PTPRD: variants seen among roughly 807,000 people sequenced by gnomAD.
The protein encoded by PTPRD is receptor-type tyrosine-protein phosphatase delta.
Under a neutral mutation model 214.5 loss-of-function variants are expected in PTPRD, and 34 were observed. The ratio of observed to expected loss-of-function variants is 0.16; its 90% CI spans 0.12 to 0.21. The LOEUF is 0.21. Ranked by LOEUF, PTPRD falls within the 10% of genes least tolerant of loss-of-function variation. PTPRD has a pLI of 1.00. For synonymous variants in PTPRD, 1,128 were observed against 845.7 expected (o/e 1.33, Z -5.79); for missense variants, 2,545 against 2,398.7 (o/e 1.06, Z -1.27).
chr9:9,736,923 ATTG>A (rs2098308457), intron 6 of PTPRD, among the ~76,000 whole-genome samples: 1 of 151,914 alleles, frequency 6.6e-6, no homozygotes, highest in Non-Finnish European at 1.5e-5. Context: ...TTGAACACCT[ATTG>A]TTAATTTTAA....
chr9:8,340,064 T>C (rs532481936), intron 42 of PTPRD, among the ~76,000 whole-genome samples: 1 of 152,192 alleles, frequency 6.6e-6, no homozygotes, highest in East Asian at 1.9e-4. Flanking sequence ...CTAAAAGAAG[T>C]CCGACATAAG....
chr9:10,164,342 T>A (rs1486871500), intron 3 of PTPRD, among the ~76,000 whole-genome samples: 1 of 151,632 alleles, frequency 6.6e-6, no homozygotes, highest in African/African-American at 2.4e-5. Context: ...AGCTATTTAT[T>A]ATTTCAGTAA....
chr9:8,462,452 C>T (rs562439421), intron 32 of PTPRD, among the ~76,000 whole-genome samples: 3 of 151,994 alleles, frequency 2.0e-5, no homozygotes, highest in South Asian at 2.1e-4. Context: ...AACTATAAAG[C>T]CTTCAAGAGG....
chr9:10,597,847 G>A (rs1355571696), intron 2 of PTPRD, among the ~76,000 whole-genome samples: 2 of 151,786 alleles, frequency 1.3e-5, no homozygotes, highest in East Asian at 3.9e-4. Flanking sequence ...TTTATATTAA[G>A]AACATAACAG....
chr9:8,440,796 G>C (rs762541295), intron 34 of PTPRD, among the ~76,000 whole-genome samples: 1 of 152,108 alleles, frequency 6.6e-6, no homozygotes, highest in African/African-American at 2.4e-5. Context: ...CTGATGTCAC[G>C]GTGACTTCCT....
rs1022109192 is a variant in PTPRD, at chr9:8,377,568, G to C, written c.4387-842C>G. On this transcript the variant is annotated intron_variant, in intron 37 of 45. Transcript: ENST00000381196. Reference sequence around the variant, plus strand: ...CACAGCACAATATTTTTGGAGTAAGGCCATAGATCTGACTATATTTACCCT... The same window carrying C: ...CACAGCACAATATTTTTGGAGTAAGCCCATAGATCTGACTATATTTACCCT... Among the ~76,000 whole-genome samples the C allele has an allele frequency of 6.6e-5, 10 of 151,882 alleles. 1 individual carries two copies. The highest frequency in any genetic ancestry group is 3.3e-4 in the Admixed American group (5 of 15,222).
rs2136306344 is a variant in PTPRD, at chr9:8,492,920, G to A, written c.2409C>T (p.Tyr803=). 1 of 1,613,950 alleles carries A rather than the reference G, an allele frequency of 6.2e-7. No individual in the cohort carries two copies. The highest frequency in any genetic ancestry group is 8.5e-7 in the Non-Finnish European group (1 of 1,179,836). The change falls in exon 27 of 46, where the codon TAC becomes TAT. Residue 803 remains tyrosine (Y), a synonymous_variant. Coordinates refer to ENST00000381196, the MANE Select transcript of PTPRD (RefSeq NM_002839.4). ...TGCGAGCACCATCTCCTTTGGTTGT[G>A]TAGGCTGTGACGGTGAGGGAGTAGG... ...ETSYSLTVTA[Y]TTKGDGARSK...
chr9:10,212,272 T>C (rs1487513929), intron 3 of PTPRD, among the ~76,000 whole-genome samples: 4 of 152,050 alleles, frequency 2.6e-5, no homozygotes, highest in African/African-American at 9.7e-5. Context: ...AAGGAGACCA[T>C]AAAAAATGGA....
intron 3 of PTPRD, among the ~76,000 whole-genome samples, chr9:10,264,107 A>T (rs557496106): frequency 6.6e-6 from 1 of 152,334 alleles, no homozygotes; most frequent in African/African-American, 2.4e-5. Context: ...GAACACCTGG[A>T]AGTCCAGGCA....
chr9:10,147,436 G>A (rs1217131650), intron 3 of PTPRD, among the ~76,000 whole-genome samples: 1 of 152,068 alleles, frequency 6.6e-6, no homozygotes, highest in Admixed American at 6.6e-5. Flanking sequence ...GCAAAGACTT[G>A]AAACAACGTA....
At chr9:9,989,766 G>T (rs1304079358) in intron 4 of PTPRD, among the ~76,000 whole-genome samples, 1 of 152,202 alleles carries the variant, frequency 6.6e-6, no homozygotes, top group Non-Finnish European at 1.5e-5. Flanking sequence ...CACCCGCTGG[G>T]GCTCCAGGGG....
intron 2 of PTPRD, among the ~76,000 whole-genome samples, chr9:10,548,973 T>C (rs1425866587): frequency 6.6e-6 from 1 of 152,174 alleles, no homozygotes; most frequent in Non-Finnish European, 1.5e-5. Flanking sequence ...AAAAATTGCA[T>C]GTGTCTGCTT....
intron 4 of PTPRD, among the ~76,000 whole-genome samples, chr9:9,965,571 T>A (rs973802771): frequency 6.6e-6 from 1 of 152,168 alleles, no homozygotes; most frequent in Non-Finnish European, 1.5e-5. Context: ...TCTAATAGTA[T>A]TTATTAAGGA....
intron 11 of PTPRD, among the ~76,000 whole-genome samples, chr9:9,017,687 G>T (rs1473335320): frequency 6.6e-6 from 1 of 152,016 alleles, no homozygotes; most frequent in African/African-American, 2.4e-5. Flanking sequence ...CATAAAACAA[G>T]GTTCTCAGAA....
At chr9:8,794,810 T>A (rs2096360784) in intron 11 of PTPRD, among the ~76,000 whole-genome samples, 2 of 151,714 alleles carry the variant, frequency 1.3e-5, no homozygotes, top group Admixed American at 1.3e-4. Context: ...GCAGCAACAA[T>A]GCAATGACTC....
At chr9:8,513,172 T>A (rs1372333218) in intron 21 of PTPRD, among the ~76,000 whole-genome samples, 1 of 152,032 alleles carries the variant, frequency 6.6e-6, no homozygotes. Flanking sequence ...CAGAAAATAA[T>A]CATCTCAATG....
intron 2 of PTPRD, among the ~76,000 whole-genome samples, chr9:10,367,304 T>G (rs564893469): frequency 2.1e-4 from 32 of 152,218 alleles, no homozygotes; most frequent in African/African-American, 6.5e-4. Context: ...ATCCTTGGTG[T>G]TTACCTTAAG....
At chr9:10,114,069 G>A (rs971913588) in intron 3 of PTPRD, among the ~76,000 whole-genome samples, 1 of 152,158 alleles carries the variant, frequency 6.6e-6, no homozygotes, top group African/African-American at 2.4e-5. Flanking sequence ...TTCTGATGCA[G>A]ATGGTTCTCA....
intron 30 of PTPRD, among the ~76,000 whole-genome samples, chr9:8,472,536 C>T (rs1034375277): frequency 9.2e-5 from 14 of 152,268 alleles, no homozygotes; most frequent in African/African-American, 3.4e-4. Flanking sequence ...ATCCACTAGC[C>T]CCTGGGGGCC....
Sources: gnomAD v4.1 joint callset for allele counts (sites outside exome capture counted in the v4.1 genomes callset) on GRCh38, gnomAD v4.1.1 for gene constraint, MANE v1.5 for transcripts, NCBI Gene and HGNC (gene_info 2026-07-23, HGNC 2026-07-21) for gene names.